The following RPL22L1 variants were observed in gnomAD, a reference collection of about 807,000 sequenced individuals.
The protein encoded by RPL22L1 is ribosomal protein L22 like 1, also known as ribosomal protein eL22-like.
RPL22L1 carries 19 observed loss-of-function variants against 17.3 expected under a neutral mutation model. That is an observed-to-expected ratio of 1.10 (90% CI 0.77 to 1.61). The LOEUF is 1.61. Among genes scored for constraint, RPL22L1 ranks in the 40% most tolerant of loss-of-function variants. The pLI is 0.00. For synonymous variants in RPL22L1, 48 were observed against 48.5 expected, an observed-to-expected ratio of 0.99 and a Z score of 0.05; for missense variants, 139 against 144.4, an observed-to-expected ratio of 0.96 and a Z score of 0.19.
Position 170,865,105 on chromosome 3 carries a change from T to C in RPL22L1, c.*1275A>G, listed in dbSNP as rs982959227. The C allele has an allele frequency of 1.3e-5, 2 of 152,226 alleles. No homozygotes were observed. Among genetic ancestry groups the C allele is most frequent in the Non-Finnish European group, 2.9e-5 (2 of 68,042 alleles). 9.4% of individuals were successfully genotyped at this position (152,226 alleles called of 1,614,324 possible). ...TGGGAACAATGGGGCAGAGCCAAGT[T>C]AGGAAGTTCAGTCATCCAAGAATCA... On this transcript the variant is annotated 3_prime_UTR_variant, in exon 4 of 4. Transcript: ENST00000295830.
chr3:170,865,273 T>C lies in RPL22L1; in HGVS notation c.*1107A>G, dbSNP rs1026956776. The C allele has an allele frequency of 6.6e-6, 1 of 152,228 alleles. No homozygotes were observed. Among genetic ancestry groups the C allele is most frequent in the Non-Finnish European group, 1.5e-5 (1 of 68,054 alleles). The allele number at this position is 152,228 out of a possible 1,614,324, so 9.4% of individuals were successfully genotyped here. On this transcript the variant is annotated 3_prime_UTR_variant, in exon 4 of 4. Transcript: ENST00000295830. ...AGATTAGGTTGTAACTGTCCAGATA[T>C]GTTTGGCGACACAATTCTATTAGCA... is the stretch of plus-strand genomic sequence containing the variant.
At chr3:170,869,794 A>C (rs61792976) in intron 1 of RPL22L1, among the ~76,000 whole-genome samples, 1 of 152,070 alleles carries the variant, frequency 6.6e-6, no homozygotes, top group African/African-American at 2.4e-5. Context: ...ATTACCCACC[A>C]TTCCCCTACC....
chr3:170,867,911 ATATT>A (rs1711830767), intron 3 of RPL22L1, 98 bp downstream of exon 3: 1 of 984,958 alleles, frequency 1.0e-6, no homozygotes, highest in Non-Finnish European at 1.5e-6. Context: ...TCTAAAGTTC[ATATT>A]TATTCTTGCA....
In RPL22L1 at chr3:170,866,522, T is replaced by C. The variant is rs1203843646; in HGVS notation, c.227A>G (p.Tyr76Cys). ...GTATTTCTTGGTAAGGTATTTCAAA[T>C]ACCTTTTAAAATAAAAACATAAATT... ...VVSEKQFSKR[Y>C]LKYLTKKYLK... Residue 76 changes from tyrosine (Y) to cysteine (C), a missense_variant and splice_region_variant, in exon 4 of 4, where the codon TAT (tyrosine) becomes TGT (cysteine). Coordinates refer to ENST00000295830, the MANE Select transcript of RPL22L1 (RefSeq NM_001099645.2). The C allele has an allele frequency of 5.9e-6, 9 of 1,538,134 alleles. No homozygotes were observed. Among genetic ancestry groups the C allele is most frequent in the Admixed American group, 2.0e-5 (1 of 49,902 alleles).
rs1177981818 is a variant in RPL22L1 at position 170,868,080 on chromosome 3, T to C, written c.157A>G (p.Asn53Asp). 1.9e-6 allele frequency: 3 copies of C among 1,605,368 alleles called. No individual in the cohort carries two copies. In the East Asian group the frequency reaches 6.7e-5, roughly 36 times the overall value. The change falls in exon 3 of 4, where the codon AAT becomes GAT. Residue 53 changes from asparagine (N) to aspartate (D), a missense_variant. By Grantham distance (23) the Asn-to-Asp change is conservative. Transcript: ENST00000295830. ...TTGAAGCGTTCAATGTGAACAACAT[T>C]CCCGAGATTTCCAGTTTTGCCATTG... The part of the protein sequence containing the change: ...KVNGKTGNLG[N>D]VVHIERFKNK...
chr3:170,866,390 G>A lies in RPL22L1; in HGVS notation c.359C>T (p.Ser120Leu), dbSNP rs756184188. The A allele has an allele frequency of 2.2e-5, 35 of 1,604,062 alleles. No homozygotes were observed. Among genetic ancestry groups the A allele is most frequent in the African/African-American group, 4.0e-5 (3 of 74,744 alleles). The change falls in exon 4 of 4, where the codon TCG becomes TTG. Residue 120 changes from serine to leucine, a missense_variant. Transcript: ENST00000295830. ...QISQDEDESE[S>L]ED ...AAGGGGAGCCTTTGCCTAGTCCTCC[G>A]ACTCTGATTCATCTTCATCTTGACT...
At position 170,868,286 on chromosome 3, in the gene RPL22L1, A is replaced by G; in HGVS notation, c.102+12T>C. 6.4e-7 allele frequency: 1 copy of G among 1,560,444 alleles called. No individual in the cohort carries two copies. The highest frequency in any genetic ancestry group is 1.1e-5 in the South Asian group (1 of 89,192). ...CTGATTACAAAAATAAGCCGAGTAG[A>G]ATGATACTTACAAAATTTCCAGAAT... On this transcript the variant is annotated intron_variant, in intron 2 of 3. Coordinates refer to ENST00000295830, the MANE Select transcript of RPL22L1 (RefSeq NM_001099645.2).
rs1269165060 is a variant in RPL22L1, at chr3:170,864,927, A to C, written c.*1453T>G. 2 of 152,286 alleles carry C rather than the reference A, an allele frequency of 1.3e-5. No homozygotes were observed. Among genetic ancestry groups the C allele is most frequent in the African/African-American group, 4.8e-5 (2 of 41,472 alleles). The allele number at this position is 152,286 out of a possible 1,614,324, so 9.4% of individuals were successfully genotyped here. Reference sequence around the variant, plus strand: ...ATTAAGCCCTCCCTTTTGTAGCAGTAAATTTGTTCACATGTGATTTGATCA... The same window carrying C: ...ATTAAGCCCTCCCTTTTGTAGCAGTCAATTTGTTCACATGTGATTTGATCA... On this transcript the variant is annotated 3_prime_UTR_variant, in exon 4 of 4. Transcript: ENST00000295830.
Position 170,865,676 on chromosome 3 carries a change from A to G in RPL22L1, c.*704T>C, listed in dbSNP as rs756218078. 3 of 152,198 alleles carry G rather than the reference A, an allele frequency of 2.0e-5. No homozygotes were observed. The highest frequency in any genetic ancestry group is 4.4e-5 in the Non-Finnish European group (3 of 68,050). The allele number at this position is 152,198 out of a possible 1,614,324, so 9.4% of individuals were successfully genotyped here. On this transcript the variant is annotated 3_prime_UTR_variant, in exon 4 of 4. Transcript: ENST00000295830. ...AGGGCTTTCTAATAAGCAGTTTAAC[A>G]TTGGTTTACAGCAGGCCTCACACCC...
chr3:170,868,287 A>G lies in RPL22L1; in HGVS notation c.102+11T>C, dbSNP rs1397534880. The G allele has an allele frequency of 6.4e-7, 1 of 1,562,252 alleles. No homozygotes were observed. The highest frequency in any genetic ancestry group is 1.1e-5 in the South Asian group (1 of 89,236). On this transcript the variant is annotated intron_variant, in intron 2 of 3. Coordinates refer to ENST00000295830, the MANE Select transcript of RPL22L1 (RefSeq NM_001099645.2). Reference sequence around the variant, plus strand: ...TGATTACAAAAATAAGCCGAGTAGAATGATACTTACAAAATTTCCAGAATC... The same window carrying G: ...TGATTACAAAAATAAGCCGAGTAGAGTGATACTTACAAAATTTCCAGAATC...
chr3:170,865,434 G>T lies in RPL22L1; in HGVS notation c.*946C>A, dbSNP rs1453057239. The T allele has an allele frequency of 1.3e-5, 2 of 152,144 alleles. No individual in the cohort carries two copies. The highest frequency in any genetic ancestry group is 4.8e-5 in the African/African-American group (2 of 41,428). The allele number at this position is 152,144 out of a possible 1,614,324, so 9.4% of individuals were successfully genotyped here. ...ACCATTTCGATTAGAGCTTTCAAAG[G>T]CCAGTTTATTCGGGAGAAAGGGTCC... On this transcript the variant is annotated 3_prime_UTR_variant, in exon 4 of 4. Coordinates refer to ENST00000295830, the MANE Select transcript of RPL22L1 (RefSeq NM_001099645.2).
intron 1 of RPL22L1, among the ~76,000 whole-genome samples, chr3:170,868,864 C>T (rs1340377203): frequency 6.6e-6 from 1 of 150,990 alleles, no homozygotes; most frequent in African/African-American, 2.4e-5. Context: ...AGGCAAGGTG[C>T]CGTCCCAGCA....
chr3:170,867,790 G>T (rs1187140892), intron 3 of RPL22L1, among the ~76,000 whole-genome samples: 3 of 152,060 alleles, frequency 2.0e-5, no homozygotes, highest in Non-Finnish European at 4.4e-5. Flanking sequence ...TAATTTACTG[G>T]ACTGGGACTG....
At chr3:170,868,560 T>G (rs920646173) in intron 1 of RPL22L1, among the ~76,000 whole-genome samples, 170 bp from the exon 2 acceptor site, 2 of 152,082 alleles carry the variant, frequency 1.3e-5, no homozygotes, top group African/African-American at 4.8e-5. Context: ...CGGGGTTGAT[T>G]TGAACCTCTA....
At position 170,866,432 on chromosome 3, in the gene RPL22L1, A is replaced by C. The variant is rs1382560197; in HGVS notation, c.317T>G (p.Leu106Arg). The change falls in exon 4 of 4, where the codon CTT becomes CGT. Residue 106 changes from leucine (L) to arginine (R), a missense_variant. Physicochemically the swap from Leu to Arg is moderately radical, Grantham distance 102. Coordinates refer to ENST00000295830, the MANE Select transcript of RPL22L1 (RefSeq NM_001099645.2). ...ATCTTGACTAATCTGGAAGTAACGA[A>C]GTTCGTAGGTCTCCTTGTCAGATGC... Reference protein sequence around the residue: ...VVASDKETYELRYFQISQDED... With the variant: ...VVASDKETYERRYFQISQDED... The C allele has an allele frequency of 6.2e-7, 1 of 1,602,572 alleles. No homozygotes were observed. The highest frequency in any genetic ancestry group is 8.5e-7 in the Non-Finnish European group (1 of 1,173,950).
intron 3 of RPL22L1, among the ~76,000 whole-genome samples, chr3:170,867,304 C>T (rs1009933569): frequency 6.6e-6 from 1 of 152,226 alleles, no homozygotes; most frequent in Non-Finnish European, 1.5e-5. Context: ...CACTATACCC[C>T]AGACACACTG....
Position 170,868,366 on chromosome 3 carries a change from A to G in RPL22L1, c.34T>C (p.Ser12Pro), listed in dbSNP as rs1002305825. The G allele has an allele frequency of 1.2e-6, 2 of 1,607,992 alleles. No individual in the cohort carries two copies. The highest frequency in any genetic ancestry group is 2.1e-4 in the Middle Eastern group (1 of 4,846). ...APQKDRKPKRSTWRFNLDLTH... is the reference protein window; with the variant it reads ...APQKDRKPKRPTWRFNLDLTH... Reference sequence around the variant, plus strand: ...AGGTCCAAATTAAACCTCCAGGTTGACCTCTTGGGCTTCCTGTCTTTCTGC... The same window carrying G: ...AGGTCCAAATTAAACCTCCAGGTTGGCCTCTTGGGCTTCCTGTCTTTCTGC... The change falls in exon 2 of 4, where the codon TCA becomes CCA. Residue 12 changes from serine to proline, a missense_variant. By Grantham distance (74) the Ser-to-Pro change is moderately conservative. Transcript: ENST00000295830.
chr3:170,865,788 C>T lies in RPL22L1; in HGVS notation c.*592G>A, dbSNP rs1348045350. 1 of 152,188 alleles carries T rather than the reference C, an allele frequency of 6.6e-6. No individual in the cohort carries two copies. Among genetic ancestry groups the T allele is most frequent in the Non-Finnish European group, 1.5e-5 (1 of 68,050 alleles). 9.4% of individuals were successfully genotyped at this position (152,188 alleles called of 1,614,324 possible). ...AAGCACTTGAGATTACATTTACAAG[C>T]TATTAAAAACAGTATTTGAGACTGT... On this transcript the variant is annotated 3_prime_UTR_variant, in exon 4 of 4. Transcript: ENST00000295830.
intron 3 of RPL22L1, 28 bp downstream of exon 3, chr3:170,867,984 GT>G (rs1560002416): frequency 1.3e-6 from 2 of 1,524,136 alleles, no homozygotes; most frequent in South Asian, 1.2e-5. Context: ...AACTACTATA[GT>G]TTTATTAAAA....
Sources: gnomAD v4.1 joint callset for allele counts (sites outside exome capture counted in the v4.1 genomes callset) on GRCh38, gnomAD v4.1.1 for gene constraint, MANE v1.5 for transcripts, NCBI Gene and HGNC (gene_info 2026-07-23, HGNC 2026-07-21) for gene names.